The following BORCS5 variants were observed in gnomAD, a reference collection of about 807,000 sequenced individuals.
The protein encoded by BORCS5 is BLOC-1 related complex subunit 5.
A neutral mutation model predicts 22.1 loss-of-function variants in BORCS5; 17 were observed. That is an observed-to-expected ratio of 0.77 (90% CI 0.53 to 1.15). The LOEUF (loss-of-function observed/expected upper bound fraction) is 1.15, where lower values mean the gene tolerates loss of function less well. Among genes scored for constraint, BORCS5 ranks in the 50% most tolerant of loss-of-function variants. The pLI is 0.00. For synonymous variants in BORCS5, 117 were observed against 99.8 expected (o/e 1.17, Z -1.03); for missense variants, 247 against 253.2 (o/e 0.98, Z 0.17).
chr12:12,427,778 G>A (rs913342371), intron 2 of BORCS5, among the ~76,000 whole-genome samples: 1 of 152,158 alleles, frequency 6.6e-6, no homozygotes, highest in African/African-American at 2.4e-5. Flanking sequence ...TTTGCAGATG[G>A]CTATCTTCTT....
At chr12:12,389,855 G>A (rs1941123042) in intron 2 of BORCS5, among the ~76,000 whole-genome samples, 1 of 151,990 alleles carries the variant, frequency 6.6e-6, no homozygotes, top group African/African-American at 2.4e-5. Flanking sequence ...TGTTGGCCAG[G>A]CTTATCTTGA....
intron 3 of BORCS5, among the ~76,000 whole-genome samples, chr12:12,464,109 CT>C (rs1943157676): frequency 6.6e-6 from 1 of 152,222 alleles, no homozygotes; most frequent in Non-Finnish European, 1.5e-5. Context: ...TCCTGGCTCA[CT>C]ACTTCCAAAG....
intron 2 of BORCS5, among the ~76,000 whole-genome samples, chr12:12,375,336 A>G (rs888433219): frequency 2.0e-5 from 3 of 152,146 alleles, no homozygotes; most frequent in African/African-American, 7.2e-5. Context: ...TAAAACTGTC[A>G]TAGTTGGCCT....
chr12:12,450,375 A>G (rs547897377), intron 3 of BORCS5, among the ~76,000 whole-genome samples: 14 of 152,366 alleles, frequency 9.2e-5, no homozygotes, highest in African/African-American at 3.1e-4. Flanking sequence ...TACAAGTGAG[A>G]TGTCAAGAGT....
intron 2 of BORCS5, among the ~76,000 whole-genome samples, chr12:12,393,521 T>C (rs1941251644): frequency 6.6e-6 from 1 of 151,528 alleles, no homozygotes; most frequent in Non-Finnish European, 1.5e-5. Context: ...TTTAAGTGTT[T>C]TTGTTTTTTG....
At chr12:12,368,852 TTTTA>T (rs1370686882) in intron 2 of BORCS5, among the ~76,000 whole-genome samples, 3 of 152,094 alleles carry the variant, frequency 2.0e-5, no homozygotes, top group African/African-American at 4.8e-5. Context: ...TATTTATTCA[TTTTA>T]TTTATTCAAC....
chr12:12,370,532 T>C (rs1236362588), intron 2 of BORCS5, among the ~76,000 whole-genome samples: 2 of 152,192 alleles, frequency 1.3e-5, no homozygotes, highest in African/African-American at 2.4e-5. Context: ...CAAATAACTG[T>C]TTTCTAAATT....
chr12:12,440,928 G>T (rs1239845944), intron 3 of BORCS5, among the ~76,000 whole-genome samples: 2 of 152,190 alleles, frequency 1.3e-5, no homozygotes, highest in Admixed American at 1.3e-4. Context: ...AGTGGATGAA[G>T]ATCAAAGGGG....
chr12:12,396,886 A>T (rs573631435), intron 2 of BORCS5, among the ~76,000 whole-genome samples: 4 of 152,390 alleles, frequency 2.6e-5, no homozygotes, highest in African/African-American at 7.2e-5. Flanking sequence ...AATGCTCAGC[A>T]TACTTTTTGA....
At chr12:12,423,759 G>A (rs1942204696) in intron 2 of BORCS5, among the ~76,000 whole-genome samples, 1 of 152,058 alleles carries the variant, frequency 6.6e-6, no homozygotes, top group Non-Finnish European at 1.5e-5. Context: ...TGCAATCTCA[G>A]CTCACTGCAA....
intron 2 of BORCS5, among the ~76,000 whole-genome samples, chr12:12,411,910 T>C (rs954516034): frequency 1.3e-5 from 2 of 152,206 alleles, no homozygotes; most frequent in Admixed American, 6.5e-5. Context: ...CTGAATGGTC[T>C]TGGTGCCCCC....
At position 12,406,470 on chromosome 12, in the gene BORCS5, A is replaced by G. The variant is rs190156249; in HGVS notation, c.203-29158A>G. Among the ~76,000 whole-genome samples the G allele has an allele frequency of 5.5e-3, 842 of 152,320 alleles. 5 individuals carry two copies. Among genetic ancestry groups the G allele is most frequent in the Non-Finnish European group, 0.01 (699 of 68,034 alleles). On this transcript the variant is annotated intron_variant, in intron 2 of 3. Coordinates refer to ENST00000314565, the MANE Select transcript of BORCS5 (RefSeq NM_058169.6). The stretch of plus-strand genomic sequence containing the variant: ...TCCCATTACCCATTGGAGCTAAGGA[A>G]CCCATGATGAGTTAACACGTGCAAG...
At chr12:12,450,318 G>T (rs901681584) in intron 3 of BORCS5, among the ~76,000 whole-genome samples, 9 of 152,208 alleles carry the variant, frequency 5.9e-5, no homozygotes, top group African/African-American at 1.9e-4. Context: ...GATGAAGATT[G>T]CTTTGTCTAA....
intron 2 of BORCS5, among the ~76,000 whole-genome samples, chr12:12,390,811 A>T (rs1941158430): frequency 6.6e-6 from 1 of 151,916 alleles, no homozygotes; most frequent in Non-Finnish European, 1.5e-5. Flanking sequence ...TTATGGTCAA[A>T]GCAAAAGCAG....
chr12:12,383,600 T>C (rs1456027985), intron 2 of BORCS5, among the ~76,000 whole-genome samples: 4 of 150,942 alleles, frequency 2.7e-5, no homozygotes, highest in African/African-American at 9.7e-5. Flanking sequence ...GGAATGTCTT[T>C]GTCTTTTTTT....
intron 2 of BORCS5, among the ~76,000 whole-genome samples, chr12:12,387,532 C>G (rs1391341533): frequency 2.6e-5 from 4 of 151,348 alleles, no homozygotes; most frequent in Non-Finnish European, 5.9e-5. Flanking sequence ...CCCTCTGATC[C>G]GAAACCTAAA....
chr12:12,431,760 C>G (rs1466931113), intron 2 of BORCS5, among the ~76,000 whole-genome samples: 1 of 149,934 alleles, frequency 6.7e-6, no homozygotes, highest in Admixed American at 6.7e-5. Flanking sequence ...GGAGTTGGAT[C>G]TTGGCTCACT....
intron 2 of BORCS5, among the ~76,000 whole-genome samples, chr12:12,424,520 A>G (rs533669138): frequency 2.0e-5 from 3 of 151,008 alleles, no homozygotes; most frequent in Non-Finnish European, 4.4e-5. Flanking sequence ...TGGATTTGCC[A>G]TTGTCTTTTT....
At chr12:12,455,432 A>G (rs965189061) in intron 3 of BORCS5, among the ~76,000 whole-genome samples, 2 of 152,198 alleles carry the variant, frequency 1.3e-5, no homozygotes, top group Admixed American at 1.3e-4. Context: ...GACAGACACC[A>G]CATTAAAAGC....
Sources: gnomAD v4.1 joint callset for allele counts (sites outside exome capture counted in the v4.1 genomes callset) on GRCh38, gnomAD v4.1.1 for gene constraint, MANE v1.5 for transcripts, NCBI Gene and HGNC (gene_info 2026-07-23, HGNC 2026-07-21) for gene names.